Variants in MCC observed in about 807,000 individuals in gnomAD.
MCC encodes MCC regulator of Wnt signaling pathway.
A neutral mutation model predicts 116.2 loss-of-function variants in MCC; 90 were observed. The observed-to-expected ratio is 0.77, with a 90% CI of 0.65 to 0.92. The LOEUF (loss-of-function observed/expected upper bound fraction) is 0.92, where lower values mean the gene tolerates loss of function less well. Ranked by LOEUF, MCC falls within the 40% of genes least tolerant of loss-of-function variation. The probability of loss-of-function intolerance (pLI) is 0.00; values close to 1 mark genes in which losing one functional copy is unlikely to be tolerated. For missense variants in MCC, 1,516 were observed against 1,312.2 expected (o/e 1.16, Z -2.40); for synonymous variants, 578 against 510.5 (o/e 1.13, Z -1.78).
intron 10 of MCC, 78 bp from the exon 11 acceptor site, chr5:113,083,086 G>A (rs765897310): frequency 2.6e-5 from 37 of 1,404,824 alleles, no homozygotes; most frequent in Non-Finnish European, 3.5e-5. Context: ...AGAATTTAAA[G>A]CTGATATTCC....
intron 3 of MCC, among the ~76,000 whole-genome samples, chr5:113,264,224 G>A (rs952853691): frequency 5.3e-5 from 8 of 152,088 alleles, no homozygotes; most frequent in African/African-American, 1.7e-4. Context: ...TTGCATTGAC[G>A]TTTACATACA....
chr5:113,478,533 G>C (rs1402734181), intron 1 of MCC, among the ~76,000 whole-genome samples: 2 of 152,184 alleles, frequency 1.3e-5, no homozygotes, highest in East Asian at 1.9e-4. Context: ...AGAAAACTAA[G>C]GGAGGAGCAG....
At chr5:113,324,386 C>T (rs866853387) in intron 3 of MCC, among the ~76,000 whole-genome samples, 2 of 152,114 alleles carry the variant, frequency 1.3e-5, no homozygotes, top group South Asian at 2.1e-4. Flanking sequence ...TTGTTTATTA[C>T]ACACATAATA....
intron 3 of MCC, among the ~76,000 whole-genome samples, chr5:113,252,766 G>A (rs1238198961): frequency 1.3e-5 from 2 of 150,396 alleles, no homozygotes; most frequent in Non-Finnish European, 2.9e-5. Flanking sequence ...CACTGTAGTT[G>A]CTATGGCACC....
At chr5:113,118,739 T>C (rs1032809562) in intron 6 of MCC, among the ~76,000 whole-genome samples, 5 of 152,162 alleles carry the variant, frequency 3.3e-5, no homozygotes, top group Non-Finnish European at 7.3e-5. Context: ...TTTTTTCCTG[T>C]TGAAAAAATT....
Position 113,456,707 on chromosome 5 carries a change from G to A in MCC, c.170+31538C>T, listed in dbSNP as rs541750932. ...AGGATGGTCTCGATCTCCTGACCTCGTGATCCACCTGCCTCGGCCTCCCAA... is the reference window on the plus strand; with the variant it reads ...AGGATGGTCTCGATCTCCTGACCTCATGATCCACCTGCCTCGGCCTCCCAA... On this transcript the variant is annotated intron_variant, in intron 1 of 18. Transcript: ENST00000408903. Among the ~76,000 whole-genome samples the A allele has an allele frequency of 3.8e-5, 5 of 133,230 alleles. No individual in the cohort carries two copies. In the South Asian group the frequency reaches 7.0e-4, roughly 19 times the overall value. The allele number at this position is 133,230 out of a possible 152,430, so 87.4% of individuals were successfully genotyped here.
chr5:113,389,115 C>G (rs1265977755), intron 1 of MCC, among the ~76,000 whole-genome samples: 2 of 152,132 alleles, frequency 1.3e-5, no homozygotes, highest in African/African-American at 2.4e-5. Flanking sequence ...TTGTTACCAA[C>G]AAGATGAGAA....
intron 8 of MCC, among the ~76,000 whole-genome samples, chr5:113,086,947 G>A (rs1157508532): frequency 6.6e-6 from 1 of 152,186 alleles, no homozygotes; most frequent in Non-Finnish European, 1.5e-5. Flanking sequence ...TAGTAAGCTC[G>A]CAAAAGATGC....
intron 3 of MCC, among the ~76,000 whole-genome samples, chr5:113,325,413 G>A (rs11741176): frequency 0.14 from 21,539 of 150,954 alleles, 2,098 homozygotes; most frequent in Non-Finnish European, 0.2. Flanking sequence ...TTCATTACTC[G>A]GGCTTCTCGC....
intron 1 of MCC, among the ~76,000 whole-genome samples, chr5:113,472,765 T>C (rs917541147): frequency 6.6e-6 from 1 of 152,224 alleles, no homozygotes; most frequent in African/African-American, 2.4e-5. Context: ...TCCTCATCCA[T>C]ATTATTTCAC....
At chr5:113,292,762 C>T (rs2150361754) in intron 3 of MCC, among the ~76,000 whole-genome samples, 1 of 152,284 alleles carries the variant, frequency 6.6e-6, no homozygotes, top group South Asian at 2.1e-4. Context: ...CACTCTGCTG[C>T]ATAGAAACAT....
At chr5:113,449,461 T>A (rs1771322138) in intron 1 of MCC, among the ~76,000 whole-genome samples, 1 of 152,218 alleles carries the variant, frequency 6.6e-6, no homozygotes, top group Non-Finnish European at 1.5e-5. Flanking sequence ...ATTCATTCAC[T>A]CATCTGACAT....
chr5:113,283,892 C>T (rs1156527286), intron 3 of MCC, among the ~76,000 whole-genome samples: 2 of 152,204 alleles, frequency 1.3e-5, no homozygotes, highest in African/African-American at 4.8e-5. Context: ...CCAAACCTCC[C>T]TCTTCCTCCT....
At chr5:113,430,290 T>C (rs1215851093) in intron 1 of MCC, among the ~76,000 whole-genome samples, 1 of 152,234 alleles carries the variant, frequency 6.6e-6, no homozygotes, top group Non-Finnish European at 1.5e-5. Context: ...GACAGAATGC[T>C]AAAATCTAAT....
chr5:113,380,792 C>T lies in MCC; in HGVS notation c.415+4176G>A, dbSNP rs887831634. Among the ~76,000 whole-genome samples, 3 of 152,188 alleles carry T rather than the reference C, an allele frequency of 2.0e-5. No individual in the cohort carries two copies. In the South Asian group the frequency reaches 6.2e-4, roughly 32 times the overall value. ...TCTCTGAAGAGGAAATATTTAAGCC[C>T]GGTTAAGTGCCTAGTAAAGGCTCAG... is the stretch of plus-strand genomic sequence containing the variant. On this transcript the variant is annotated intron_variant, in intron 2 of 18. Transcript: ENST00000408903.
At chr5:113,265,617 T>C (rs762709461) in intron 3 of MCC, among the ~76,000 whole-genome samples, 36 of 152,140 alleles carry the variant, frequency 2.4e-4, no homozygotes, top group Non-Finnish European at 3.7e-4. Flanking sequence ...ACACCCCCTT[T>C]TCATTTGTTG....
At chr5:113,118,051 C>T (rs868758272) in intron 6 of MCC, among the ~76,000 whole-genome samples, 2 of 152,224 alleles carry the variant, frequency 1.3e-5, no homozygotes. Flanking sequence ...AAAACAACTT[C>T]TTGGCTGTGT....
chr5:113,395,021 A>T (rs768860381), intron 1 of MCC, among the ~76,000 whole-genome samples: 1 of 152,244 alleles, frequency 6.6e-6, no homozygotes, highest in African/African-American at 2.4e-5. Context: ...GACCCTTTAC[A>T]GAAAAAGTTT....
At chr5:113,134,571 T>TC (rs1434095944) in intron 5 of MCC, among the ~76,000 whole-genome samples, 2 of 148,628 alleles carry the variant, frequency 1.3e-5, no homozygotes, top group Admixed American at 1.4e-4. Context: ...TTTTTTTTTT[T>TC]TTTTTTTGTA....
Sources: allele counts gnomAD v4.1 joint callset (sites outside exome capture counted in the v4.1 genomes callset), GRCh38; gene constraint gnomAD v4.1.1; transcripts MANE v1.5; gene names NCBI Gene and HGNC (gene_info 2026-07-23, HGNC 2026-07-21).